Variants in SPTLC3 observed in about 807,000 individuals in gnomAD.
The protein encoded by SPTLC3 is serine palmitoyltransferase 3.
In SPTLC3, 36 loss-of-function variants were observed where a neutral mutation model predicts 59.3. The ratio of observed to expected loss-of-function variants is 0.61; its 90% CI spans 0.47 to 0.80. The LOEUF (loss-of-function observed/expected upper bound fraction) is 0.80, where lower values mean the gene tolerates loss of function less well. SPTLC3 is among the 30% of genes least tolerant of loss of function. The pLI, the probability that SPTLC3 is intolerant of heterozygous loss-of-function variation, is 0.00. For synonymous variants in SPTLC3, 257 were observed against 240.8 expected, an observed-to-expected ratio of 1.07 and a Z score of -0.62; for missense variants, 625 against 685.1, an observed-to-expected ratio of 0.91 and a Z score of 0.98.
At chr20:13,018,538 C>CT (rs1187722403) in intron 1 of SPTLC3, among the ~76,000 whole-genome samples, 2 of 152,126 alleles carry the variant, frequency 1.3e-5, no homozygotes, top group Non-Finnish European at 2.9e-5. Flanking sequence ...ATTATTAACC[C>CT]TTAGGAGGTC....
At chr20:13,042,930 C>A (rs1051406185) in intron 1 of SPTLC3, among the ~76,000 whole-genome samples, 19 of 152,190 alleles carry the variant, frequency 1.2e-4, no homozygotes, top group Admixed American at 1.0e-3. Context: ...AAGATGATCT[C>A]TGAGGCTCTT....
At chr20:13,115,715 C>T (rs1346845371) in intron 7 of SPTLC3, among the ~76,000 whole-genome samples, 6 of 152,086 alleles carry the variant, frequency 3.9e-5, no homozygotes, top group South Asian at 4.1e-4. Flanking sequence ...AGTTAGGACT[C>T]GTTGCAACCA....
chr20:13,027,671 A>G (rs1050208409), intron 1 of SPTLC3, among the ~76,000 whole-genome samples: 11 of 141,902 alleles, frequency 7.8e-5, no homozygotes, highest in Non-Finnish European at 4.7e-5. Context: ...ACACACACAC[A>G]CACACACACG....
intron 6 of SPTLC3, among the ~76,000 whole-genome samples, chr20:13,095,828 T>G (rs1017608991): frequency 1.3e-5 from 2 of 152,210 alleles, no homozygotes; most frequent in African/African-American, 4.8e-5. Context: ...TCTACTCTTT[T>G]ACACTCTTGA....
chr20:13,111,131 A>G (rs1180391194), intron 7 of SPTLC3, among the ~76,000 whole-genome samples: 7 of 152,122 alleles, frequency 4.6e-5, no homozygotes, highest in Admixed American at 3.9e-4. Context: ...GTTTCATTTT[A>G]TTTTTAACAT....
chr20:13,098,671 G>T (rs530401866), intron 6 of SPTLC3, among the ~76,000 whole-genome samples: 23 of 152,262 alleles, frequency 1.5e-4, no homozygotes, highest in African/African-American at 4.8e-4. Context: ...GTTAGCTGTT[G>T]TTATTTAGAC....
At chr20:13,074,571 A>G in intron 4 of SPTLC3, 74 bp downstream of exon 4, 1 of 1,493,558 alleles carries the variant, frequency 6.7e-7, no homozygotes, top group Non-Finnish European at 9.1e-7. Flanking sequence ...TCAAATCTAG[A>G]TCATATTTGG....
intron 6 of SPTLC3, among the ~76,000 whole-genome samples, chr20:13,094,678 G>A (rs1474057078): frequency 1.3e-5 from 2 of 152,132 alleles, no homozygotes; most frequent in Non-Finnish European, 2.9e-5. Context: ...AAAATGCATG[G>A]GAGTATTCTC....
chr20:13,049,130 A>AG lies in SPTLC3; in HGVS notation c.303+1dup. ...CAGCTGTGGAAAGAAAAGAACAAAA[A>AG]GTACGTATGCGCACCTCCCTGGATC... is the stretch of plus-strand genomic sequence containing the variant. On this transcript the variant is annotated frameshift_variant and splice_region_variant. Coordinates refer to ENST00000399002, the MANE Select transcript of SPTLC3 (RefSeq NM_018327.4). LOFTEE classifies it high-confidence loss of function. 1 of 1,613,114 alleles carries AG rather than the reference A, an allele frequency of 6.2e-7. No homozygotes were observed. Among genetic ancestry groups the AG allele is most frequent in the Non-Finnish European group, 8.5e-7 (1 of 1,179,550 alleles).
rs1432484387 is a variant in SPTLC3 at position 13,093,575 on chromosome 20, A to G, written c.824A>G (p.Asn275Ser). Residue 275 changes from asparagine to serine, a missense_variant and splice_region_variant, in exon 6 of 12, where the codon AAC becomes AGC. Coordinates refer to ENST00000399002, the MANE Select transcript of SPTLC3 (RefSeq NM_018327.4). ...SGATIRIFKH[N>S]NTQSLEKLLR... ...GCAACCATAAGAATCTTCAAACACA[A>G]CAGTGAGTATCAGTGTATTTTCTCA... 6 of 1,613,142 alleles carry G rather than the reference A, an allele frequency of 3.7e-6. No homozygotes were observed. The highest frequency in any genetic ancestry group is 1.3e-5 in the African/African-American group (1 of 75,018).
intron 1 of SPTLC3, among the ~76,000 whole-genome samples, chr20:13,020,347 T>TAAA (rs112088036): frequency 2.1e-5 from 2 of 95,096 alleles, no homozygotes; most frequent in African/African-American, 2.8e-5. Context: ...CCCCATTTCT[T>TAAA]AAAAAAAAAA....
intron 4 of SPTLC3, among the ~76,000 whole-genome samples, chr20:13,081,509 A>C (rs1988841268): frequency 6.6e-6 from 1 of 152,244 alleles, no homozygotes; most frequent in Non-Finnish European, 1.5e-5. Flanking sequence ...CAGCCTAAAT[A>C]TGCAATATGC....
chr20:13,135,183 A>G (rs2038214712), intron 9 of SPTLC3, among the ~76,000 whole-genome samples: 1 of 152,196 alleles, frequency 6.6e-6, no homozygotes, highest in Admixed American at 6.5e-5. Flanking sequence ...AATTATTTAA[A>G]TTGTCTCTTC....
At chr20:13,061,938 C>T (rs1987992858) in intron 2 of SPTLC3, among the ~76,000 whole-genome samples, 1 of 152,170 alleles carries the variant, frequency 6.6e-6, no homozygotes, top group African/African-American at 2.4e-5. Context: ...AGCAGAGCTG[C>T]CAGAGACTCT....
chr20:13,046,980 A>C (rs960620939), intron 1 of SPTLC3, among the ~76,000 whole-genome samples: 2 of 152,350 alleles, frequency 1.3e-5, no homozygotes, highest in East Asian at 1.9e-4. Context: ...CTAGACAGGA[A>C]TATCCACCTA....
intron 4 of SPTLC3, among the ~76,000 whole-genome samples, chr20:13,088,658 G>A (rs897427262): frequency 2.0e-5 from 3 of 151,338 alleles, no homozygotes; most frequent in Admixed American, 6.6e-5. Flanking sequence ...TCTCTCTGTC[G>A]CCCAGGGTAG....
chr20:13,044,973 A>C (rs1048084318), intron 1 of SPTLC3, among the ~76,000 whole-genome samples: 1 of 147,088 alleles, frequency 6.8e-6, no homozygotes, highest in African/African-American at 2.5e-5. Context: ...TTTGCTCTAC[A>C]TTATGGTCAT....
At chr20:13,076,523 G>GA (rs60857029) in intron 4 of SPTLC3, among the ~76,000 whole-genome samples, 31,555 of 151,368 alleles carry the variant, frequency 0.21, 3,703 homozygotes, top group African/African-American at 0.31. Context: ...TGTTCCAGGG[G>GA]AAAAAGGAAA....
At chr20:13,077,282 A>T (rs1988681668) in intron 4 of SPTLC3, among the ~76,000 whole-genome samples, 1 of 150,258 alleles carries the variant, frequency 6.7e-6, no homozygotes, top group Admixed American at 6.7e-5. Flanking sequence ...ATAAAATACA[A>T]ATAATATTAT....
Sources: gnomAD v4.1 joint callset for allele counts (sites outside exome capture counted in the v4.1 genomes callset) on GRCh38, gnomAD v4.1.1 for gene constraint, MANE v1.5 for transcripts, NCBI Gene and HGNC (gene_info 2026-07-23, HGNC 2026-07-21) for gene names.